The following CFAP46 variants were observed in gnomAD, a reference collection of about 807,000 sequenced individuals.
CFAP46 encodes the protein cilia and flagella associated protein 46.
Under a neutral mutation model 325.7 loss-of-function variants are expected in CFAP46, and 245 were observed. The observed-to-expected ratio is 0.75, with a 90% CI of 0.68 to 0.84. The LOEUF is 0.84. CFAP46 is among the 40% of genes least tolerant of loss of function. The probability of loss-of-function intolerance (pLI) is 0.00; values close to 1 mark genes in which losing one functional copy is unlikely to be tolerated. For missense variants in CFAP46, 3,346 were observed against 3,543.0 expected (o/e 0.94, Z 1.41); for synonymous variants, 1,523 against 1,495.9 (o/e 1.02, Z -0.42).
chr10:132,836,874 A>G lies in CFAP46; in HGVS notation c.6479T>C (p.Leu2160Pro). 5 of 1,613,934 alleles carry G rather than the reference A, an allele frequency of 3.1e-6. No individual in the cohort carries two copies. In the South Asian group the frequency reaches 5.5e-5, roughly 18 times the overall value. The change falls in exon 45 of 58, where the codon CTC (leucine) becomes CCC (proline). Residue 2160 changes from leucine to proline, a missense_variant. By Grantham distance (98) the Leu-to-Pro change is moderately conservative. Coordinates refer to ENST00000368586, the MANE Select transcript of CFAP46 (RefSeq NM_001200049.3). Reference protein sequence around the residue: ...NLCVTEQHFNLLNEMPPTFWI... With the variant: ...NLCVTEQHFNPLNEMPPTFWI... Reference sequence around the variant, plus strand: ...AAAGGTCGGAGGCATCTCATTCAAGAGGTTAAAATGCTGCTCAGTGACGCA... The same window carrying G: ...AAAGGTCGGAGGCATCTCATTCAAGGGGTTAAAATGCTGCTCAGTGACGCA...
chr10:132,879,255 T>G (rs1399422467), intron 29 of CFAP46, among the ~76,000 whole-genome samples, 171 bp downstream of exon 29: 1 of 152,178 alleles, frequency 6.6e-6, no homozygotes, highest in African/African-American at 2.4e-5. Flanking sequence ...TGGGAACCAT[T>G]CAGGAGAGAG....
At chr10:132,917,479 G>C (rs1849658315) in intron 16 of CFAP46, among the ~76,000 whole-genome samples, 1 of 152,238 alleles carries the variant, frequency 6.6e-6, no homozygotes, top group Admixed American at 6.5e-5. Flanking sequence ...GCCTGCGTGG[G>C]AGGAACAGGC....
chr10:132,850,396 C>A lies in CFAP46; in HGVS notation c.5800G>T (p.Ala1934Ser). The A allele has an allele frequency of 6.3e-7, 1 of 1,579,682 alleles. No homozygotes were observed. The highest frequency in any genetic ancestry group is 8.6e-7 in the Non-Finnish European group (1 of 1,162,402). Reference sequence around the variant, plus strand: ...TGCAGGCTCCCCAGCTGTGCCAGTGCCCCGTGTGCTAGAGTCCGCTTCAGC... The same window carrying A: ...TGCAGGCTCCCCAGCTGTGCCAGTGACCCGTGTGCTAGAGTCCGCTTCAGC... ...FTLKRTLAHG[A>S]LAQLGSLQPL... The change falls in exon 41 of 58, where the codon GCA becomes TCA. Residue 1934 changes from alanine to serine, a missense_variant. Ala to Ser is a moderately conservative substitution (Grantham distance 99). Coordinates refer to ENST00000368586, the MANE Select transcript of CFAP46 (RefSeq NM_001200049.3).
intron 48 of CFAP46, 70 bp downstream of exon 48, chr10:132,834,584 C>T (rs941200004): frequency 6.4e-7 from 1 of 1,569,422 alleles, no homozygotes. Context: ...ACGTGGTTGG[C>T]CACAGCACTG....
chr10:132,864,635 T>C (rs1304842315), intron 35 of CFAP46, among the ~76,000 whole-genome samples: 15 of 62,942 alleles, frequency 2.4e-4, no homozygotes, highest in East Asian at 9.5e-4. Flanking sequence ...CACACACCTG[T>C]CCCCCTGCCT....
chr10:132,875,684 G>A (rs1848948147), intron 31 of CFAP46, among the ~76,000 whole-genome samples: 1 of 152,162 alleles, frequency 6.6e-6, no homozygotes, highest in Non-Finnish European at 1.5e-5. Context: ...CATGCTTGAG[G>A]CTTGACCCCT....
In CFAP46 at chr10:132,814,194, G is replaced by A. The variant is rs753843503; in HGVS notation, c.7346C>T (p.Thr2449Met). The change falls in exon 54 of 58, where the codon ACG (threonine) becomes ATG (methionine). Residue 2449 changes from threonine (T) to methionine (M), a missense_variant. Transcript: ENST00000368586. ...TCCCAGATGTCCCGCCCATCGCGACGTGAATGTGTCTTGGAATCTTTCCAA... is the reference window on the plus strand; with the variant it reads ...TCCCAGATGTCCCGCCCATCGCGACATGAATGTGTCTTGGAATCTTTCCAA... ...DILERFQDTF[T>M]SRWAGHLGSK... 6.8e-6 allele frequency: 11 copies of A among 1,613,860 alleles called. No individual in the cohort carries two copies. Among genetic ancestry groups the A allele is most frequent in the East Asian group, 6.7e-5 (3 of 44,886 alleles).
At chr10:132,875,832 AC>A (rs1848950079) in intron 31 of CFAP46, among the ~76,000 whole-genome samples, 1 of 152,206 alleles carries the variant, frequency 6.6e-6, no homozygotes, top group Admixed American at 6.5e-5. Context: ...AAAAGGACAC[AC>A]AAAAAACTGA....
intron 19 of CFAP46, among the ~76,000 whole-genome samples, chr10:132,911,458 C>A (rs948075509): frequency 8.5e-5 from 13 of 152,208 alleles, no homozygotes; most frequent in African/African-American, 3.1e-4. Flanking sequence ...ACAGCTCCCC[C>A]GCCCCGTGCC....
rs773924106 is a variant in CFAP46 at position 132,887,669 on chromosome 10, C to T, written c.3305-1710G>A. Among the ~76,000 whole-genome samples the T allele has an allele frequency of 5.7e-3, 237 of 41,398 alleles. 8 individuals are homozygous for T. The highest frequency in any genetic ancestry group is 0.014 in the Non-Finnish European group (195 of 13,646). 27.2% of individuals were successfully genotyped at this position (41,398 alleles called of 152,430 possible). A position where few individuals can be genotyped will look rare whatever the true frequency, so the allele number is the denominator to read the frequency against. On this transcript the variant is annotated intron_variant, in intron 25 of 57. Coordinates refer to ENST00000368586, the MANE Select transcript of CFAP46 (RefSeq NM_001200049.3). ...TCTCCTCTCCTCTCTCCTCTTTCAC[C>T]TCTCTCTCTCCTCTCCTCTCTCTCT...
Position 132,812,837 on chromosome 10 carries a change from C to G in CFAP46, c.7449G>C (p.Glu2483Asp). 1 of 1,612,248 alleles carries G rather than the reference C, an allele frequency of 6.2e-7. No individual in the cohort carries two copies. Among genetic ancestry groups the G allele is most frequent in the Non-Finnish European group, 8.5e-7 (1 of 1,179,840 alleles). The change falls in exon 55 of 58, where the codon GAG (glutamate) becomes GAC (aspartate). Residue 2483 changes from glutamate to aspartate, a missense_variant. Glu to Asp is a conservative substitution (Grantham distance 45). Transcript: ENST00000368586. The part of the protein sequence containing the change: ...SCSGFFFYGM[E>D]SFLSHILVER... ...CCACTAATATATGGGACAGGAAGCT[C>G]TCCATTCCATAGAAGAAGAAACCGC...
chr10:132,940,168 T>A (rs1850074047), intron 4 of CFAP46, among the ~76,000 whole-genome samples: 1 of 152,098 alleles, frequency 6.6e-6, no homozygotes, highest in African/African-American at 2.4e-5. Flanking sequence ...CCCCAGCACT[T>A]GCAACAGGGT....
At chr10:132,839,852 C>T (rs1169270642) in intron 44 of CFAP46, among the ~76,000 whole-genome samples, 5 of 152,206 alleles carry the variant, frequency 3.3e-5, no homozygotes, top group Non-Finnish European at 7.3e-5. Context: ...CTACTTCACC[C>T]TGACGTGGCG....
At chr10:132,813,890 T>C (rs1426300490) in intron 54 of CFAP46, among the ~76,000 whole-genome samples, 3 of 152,196 alleles carry the variant, frequency 2.0e-5, no homozygotes, top group Non-Finnish European at 2.9e-5. Context: ...GTGCTGCTGG[T>C]GAAGAGGCAG....
intron 25 of CFAP46, among the ~76,000 whole-genome samples, chr10:132,890,204 C>T (rs1389379163): frequency 3.3e-5 from 5 of 152,146 alleles, no homozygotes; most frequent in African/African-American, 4.8e-5. Flanking sequence ...GTCTGGGCTG[C>T]CCAGAGGCAC....
intron 54 of CFAP46, among the ~76,000 whole-genome samples, chr10:132,813,108 C>T (rs1304339005): frequency 6.6e-6 from 1 of 152,264 alleles, no homozygotes; most frequent in Non-Finnish European, 1.5e-5. Flanking sequence ...AGGGGACCCA[C>T]GGTGAGCATG....
At chr10:132,810,928 C>T in intron 56 of CFAP46, 22 bp downstream of exon 56, 2 of 1,572,252 alleles carry the variant, frequency 1.3e-6, no homozygotes, top group Admixed American at 1.8e-5. Flanking sequence ...TCCCTGCCCA[C>T]CCGTTCCAGG....
chr10:132,862,595 C>T (rs757636940), intron 35 of CFAP46, among the ~76,000 whole-genome samples: 5 of 151,820 alleles, frequency 3.3e-5, no homozygotes, highest in Non-Finnish European at 5.9e-5. Context: ...CTGAGGTCGG[C>T]GGGGGTCTGA....
At position 132,808,617 on chromosome 10, in the gene CFAP46, G is replaced by A; in HGVS notation, c.7952C>T (p.Pro2651Leu). Reference sequence around the variant, plus strand: ...TGCCTTGCGGGAAGTCGCTGGGGGAGGGTCCCTGGCTGAGGCTGCACCAAG... The same window carrying A: ...TGCCTTGCGGGAAGTCGCTGGGGGAAGGTCCCTGGCTGAGGCTGCACCAAG... Reference protein sequence around the residue: ...PALGAASARDPPPATSRKAAA... With the variant: ...PALGAASARDLPPATSRKAAA... The change falls in exon 58 of 58, where the codon CCT (proline) becomes CTT (leucine). Residue 2651 changes from proline to leucine, a missense_variant. Physicochemically the swap from Pro to Leu is moderately conservative, Grantham distance 98. Coordinates refer to ENST00000368586, the MANE Select transcript of CFAP46 (RefSeq NM_001200049.3). This position sits in a 1 kb window ranked among gnomAD's most constrained non-coding sequence, Gnocchi z 6.8. The A allele has an allele frequency of 2.5e-6, 4 of 1,611,366 alleles. No homozygotes were observed. The highest frequency in any genetic ancestry group is 3.4e-6 in the Non-Finnish European group (4 of 1,179,150).
Sources: gnomAD v4.1 joint callset for allele counts (sites outside exome capture counted in the v4.1 genomes callset) on GRCh38, gnomAD v4.1.1 for gene constraint, Gnocchi (gnomAD v3.1) non-coding constraint, MANE v1.5 for transcripts, NCBI Gene and HGNC (gene_info 2026-07-23, HGNC 2026-07-21) for gene names.